The following SFSWAP variants were observed in gnomAD, a reference collection of about 807,000 sequenced individuals.
The protein encoded by SFSWAP is splicing factor, suppressor of white-apricot homolog.
In SFSWAP, 17 loss-of-function variants were observed where a neutral mutation model predicts 100.7. That is an observed-to-expected ratio of 0.17 (90% CI 0.12 to 0.25). The LOEUF is 0.25. SFSWAP is among the 10% of genes least tolerant of loss of function. The pLI, the probability that SFSWAP is intolerant of heterozygous loss-of-function variation, is 1.00. For missense variants in SFSWAP, 1,005 were observed against 1,262.6 expected (o/e 0.80, Z 3.09); for synonymous variants, 504 against 510.1 (o/e 0.99, Z 0.16).
intron 4 of SFSWAP, among the ~76,000 whole-genome samples, chr12:131,724,311 T>C (rs952809624): frequency 2.0e-5 from 3 of 152,240 alleles, no homozygotes; most frequent in South Asian, 2.1e-4. Context: ...TTGATGTGTT[T>C]ATGGAATATT....
intron 4 of SFSWAP, among the ~76,000 whole-genome samples, chr12:131,721,440 AAT>A (rs1395306276): frequency 6.6e-6 from 1 of 152,150 alleles, no homozygotes; most frequent in Non-Finnish European, 1.5e-5. Flanking sequence ...TTTGTTCTGA[AAT>A]ATGTTTATTA....
At position 131,738,933 on chromosome 12, in the gene SFSWAP, A is replaced by G. The variant is rs147082739; in HGVS notation, c.1081+10505A>G. ...TTGAGACAGGGTCTCTCGCTCTGTC[A>G]CCTAGGCTGGAGTCCAGTAGCGTGA... On this transcript the variant is annotated intron_variant, in intron 7 of 17. Transcript: ENST00000261674. Among the ~76,000 whole-genome samples the G allele has an allele frequency of 1.4e-3, 157 of 108,318 alleles. 1 individual carries two copies. Among genetic ancestry groups the G allele is most frequent in the African/African-American group, 5.1e-3 (150 of 29,398 alleles). The allele number at this position is 108,318 out of a possible 152,430, so 71.1% of individuals were successfully genotyped here. A position where few individuals can be genotyped will look rare whatever the true frequency, so the allele number is the denominator to read the frequency against.
intron 4 of SFSWAP, among the ~76,000 whole-genome samples, chr12:131,720,245 A>T (rs1055164528): frequency 1.3e-5 from 2 of 152,094 alleles, no homozygotes; most frequent in African/African-American, 4.8e-5. Context: ...TGTTTTTTAC[A>T]TATTATCTTA....
intron 13 of SFSWAP, among the ~76,000 whole-genome samples, chr12:131,768,615 G>C (rs776443769): frequency 1.1e-4 from 16 of 152,158 alleles, no homozygotes; most frequent in Non-Finnish European, 2.1e-4. Context: ...CCTGAGTCCC[G>C]AGTGCTCTGG....
At chr12:131,718,389 C>T (rs540329297) in intron 3 of SFSWAP, among the ~76,000 whole-genome samples, 2 of 152,046 alleles carry the variant, frequency 1.3e-5, no homozygotes, top group East Asian at 3.9e-4. Flanking sequence ...AAAATGTTAC[C>T]TTTTTAAAGT....
intron 7 of SFSWAP, among the ~76,000 whole-genome samples, chr12:131,747,875 A>G (rs552949876): frequency 6.6e-6 from 1 of 152,370 alleles, no homozygotes; most frequent in East Asian, 1.9e-4. Context: ...GGGCTGGAGA[A>G]GTGAATTTTG....
intron 4 of SFSWAP, among the ~76,000 whole-genome samples, chr12:131,719,785 C>T (rs955075917): frequency 6.6e-6 from 1 of 152,184 alleles, no homozygotes; most frequent in African/African-American, 2.4e-5. Flanking sequence ...ATTCAGCGGC[C>T]ATGTAGTTGA....
rs1049884213 is a variant in SFSWAP, at chr12:131,730,177, C to T, written c.1081+1749C>T. ...CTGCATGGATTTTTGGATAGACGGC[C>T]GCACACCTTTAAGTCTTGAGCCCCA... On this transcript the variant is annotated intron_variant, in intron 7 of 17. Coordinates refer to ENST00000261674, the MANE Select transcript of SFSWAP (RefSeq NM_004592.4). The surrounding 1 kb of genome is among the most constrained non-coding windows in gnomAD (Gnocchi z 4.0). 6.6e-6 allele frequency among the ~76,000 whole-genome samples: 1 copy of T among 152,160 alleles called. No homozygotes were observed. Among genetic ancestry groups the T allele is most frequent in the Non-Finnish European group, 1.5e-5 (1 of 68,036 alleles).
chr12:131,713,785 A>G (rs1472099659), intron 1 of SFSWAP: 1 of 226,346 alleles, frequency 4.4e-6, no homozygotes, highest in Non-Finnish European at 8.5e-6. Flanking sequence ...TGAAGTGGGT[A>G]CCATTTTTGC....
rs766214247 is a variant in SFSWAP at position 131,728,421 on chromosome 12, G to A, written c.1074G>A (p.Thr358=). ...APVQPSQVEY[T]ADSTVAAMYY... The stretch of plus-strand genomic sequence containing the variant: ...TGCAGCCCTCCCAGGTGGAGTACAC[G>A]GCAGACTGTGAGTACTCACTGTGTA... Residue 358 remains threonine (T), a synonymous_variant, in exon 7 of 18, where the codon ACG becomes ACA. Transcript: ENST00000261674. The A allele has an allele frequency of 1.4e-5, 23 of 1,614,004 alleles. No homozygotes were observed. Among genetic ancestry groups the A allele is most frequent in the East Asian group, 4.5e-5 (2 of 44,900 alleles).
chr12:131,726,302 C>T (rs929177048), intron 5 of SFSWAP, among the ~76,000 whole-genome samples: 16 of 152,106 alleles, frequency 1.1e-4, no homozygotes, highest in Non-Finnish European at 1.9e-4. Flanking sequence ...CTCCGCCTCC[C>T]GGGTTCAAGC....
chr12:131,775,934 A>G (rs1255486088), intron 13 of SFSWAP, among the ~76,000 whole-genome samples: 1 of 150,092 alleles, frequency 6.7e-6, no homozygotes, highest in Non-Finnish European at 1.5e-5. Context: ...TACTAAAAAT[A>G]CAAAAAAAAA....
At chr12:131,728,530 A>C (rs1593119192) in intron 7 of SFSWAP, 102 bp downstream of exon 7, 3 of 1,338,918 alleles carry the variant, frequency 2.2e-6, no homozygotes, top group East Asian at 4.7e-5. Context: ...AAGTGTAACA[A>C]GTATGGAAGC....
intron 6 of SFSWAP, 76 bp downstream of exon 6, chr12:131,727,128 G>A (rs1006552495): frequency 1.7e-5 from 14 of 813,046 alleles, no homozygotes; most frequent in Non-Finnish European, 2.5e-5. Context: ...AAAATTTGAA[G>A]CATGTCATTC....
At chr12:131,750,527 GAGAA>G (rs1881527571) in intron 7 of SFSWAP, among the ~76,000 whole-genome samples, 1 of 152,168 alleles carries the variant, frequency 6.6e-6, no homozygotes, top group Non-Finnish European at 1.5e-5. Context: ...TCTCCTCTGT[GAGAA>G]TCTCCTGGGT....
chr12:131,737,719 A>G (rs1880168179), intron 7 of SFSWAP, among the ~76,000 whole-genome samples: 1 of 151,686 alleles, frequency 6.6e-6, no homozygotes, highest in Non-Finnish European at 1.5e-5. Flanking sequence ...GTTCTTTCTT[A>G]TTTACTTCCT....
At chr12:131,792,931 A>AT (rs1885374251) in intron 15 of SFSWAP, among the ~76,000 whole-genome samples, 1 of 152,200 alleles carries the variant, frequency 6.6e-6, no homozygotes, top group Non-Finnish European at 1.5e-5. Context: ...TTCAAGACTT[A>AT]CCAGAAAGCT....
rs1878280160 is a variant in SFSWAP at position 131,719,636 on chromosome 12, T to A, written c.606+97T>A. 5.3e-6 allele frequency: 5 copies of A among 949,576 alleles called. No individual in the cohort carries two copies. In the South Asian group the frequency reaches 6.9e-5, roughly 13 times the overall value. The allele number at this position is 949,576 out of a possible 1,614,324, so 58.8% of individuals were successfully genotyped here. A position where few individuals can be genotyped will look rare whatever the true frequency, so the allele number is the denominator to read the frequency against. On this transcript the variant is annotated intron_variant, in intron 4 of 17. Transcript: ENST00000261674. Reference sequence around the variant, plus strand: ...CTCAATAATGATTATAGCTGCTTTTTAGGCATATAATGCTTTAAAATGGTT... The same window carrying A: ...CTCAATAATGATTATAGCTGCTTTTAAGGCATATAATGCTTTAAAATGGTT...
In SFSWAP at chr12:131,755,485, T is replaced by C. The variant is rs773002641; in HGVS notation, c.1548+6T>C. The C allele has an allele frequency of 1.9e-6, 3 of 1,601,842 alleles. No homozygotes were observed. The highest frequency in any genetic ancestry group is 4.5e-5 in the East Asian group (2 of 44,852). On this transcript the variant is annotated splice_donor_region_variant and intron_variant, in intron 10 of 17. Transcript: ENST00000261674. ...AAGGGGGCGATAGCATGCAGGTACGTGTCTGAATGCAGGGAGGCTGTGAAG... is the reference window on the plus strand; with the variant it reads ...AAGGGGGCGATAGCATGCAGGTACGCGTCTGAATGCAGGGAGGCTGTGAAG...
Sources: allele counts gnomAD v4.1 joint callset (sites outside exome capture counted in the v4.1 genomes callset), GRCh38; gene constraint gnomAD v4.1.1; non-coding constraint Gnocchi (gnomAD v3.1); transcripts MANE v1.5; gene names NCBI Gene and HGNC (gene_info 2026-07-23, HGNC 2026-07-21).